Variants in SLC24A2 observed in about 807,000 individuals in gnomAD.
SLC24A2 encodes sodium/potassium/calcium exchanger 2.
In SLC24A2, 36 loss-of-function variants were observed where a neutral mutation model predicts 62.0. The observed-to-expected ratio is 0.58, with a 90% CI of 0.44 to 0.77. The LOEUF (loss-of-function observed/expected upper bound fraction) is 0.77, where lower values mean the gene tolerates loss of function less well. Among genes scored for constraint, SLC24A2 ranks in the 30% least tolerant of loss-of-function variants. SLC24A2 has a pLI of 0.00. For missense variants in SLC24A2, 846 were observed against 817.9 expected (o/e 1.03, Z -0.42); for synonymous variants, 358 against 294.0 (o/e 1.22, Z -2.23).
chr9:19,672,827 A>C (rs977342131), intron 2 of SLC24A2, among the ~76,000 whole-genome samples: 1 of 146,456 alleles, frequency 6.8e-6, no homozygotes, highest in Non-Finnish European at 1.5e-5. Context: ...TTTAATTTCC[A>C]TGTATTTGCA....
the SLC24A2 span, among the ~76,000 whole-genome samples, chr9:20,242,775 G>A: frequency 6.6e-6 from 1 of 152,142 alleles, no homozygotes; most frequent in Admixed American, 6.5e-5. Context: ...CTCCATTAAT[G>A]GCTTTGTCAT....
At chr9:20,080,305 T>C in the SLC24A2 span, among the ~76,000 whole-genome samples, 40 of 152,224 alleles carry the variant, frequency 2.6e-4, no homozygotes, top group South Asian at 4.2e-4. Flanking sequence ...CAGAACAGAG[T>C]GCTCAGAAAT....
chr9:20,089,577 C>T, the SLC24A2 span, among the ~76,000 whole-genome samples: 6 of 152,110 alleles, frequency 3.9e-5, no homozygotes, highest in Middle Eastern at 3.4e-3. Context: ...CAGGCAGGGC[C>T]CCTAGCTCAT....
the SLC24A2 span, among the ~76,000 whole-genome samples, chr9:20,108,899 T>C: frequency 6.6e-6 from 1 of 151,994 alleles, no homozygotes; most frequent in Non-Finnish European, 1.5e-5. Flanking sequence ...ATTTTTAAAA[T>C]AGTCATGTGC....
chr9:20,239,214 T>C, the SLC24A2 span, among the ~76,000 whole-genome samples: 24 of 152,330 alleles, frequency 1.6e-4, no homozygotes, highest in Middle Eastern at 3.4e-3. Context: ...ACACAAAACA[T>C]AGAGGATTCC....
At chr9:19,886,309 TA>T in the SLC24A2 span, among the ~76,000 whole-genome samples, 2 of 152,208 alleles carry the variant, frequency 1.3e-5, no homozygotes, top group African/African-American at 2.4e-5. Context: ...TGTGAGATGG[TA>T]TTTCACTGTA....
At chr9:19,734,669 T>A (rs1490040049) in intron 2 of SLC24A2, among the ~76,000 whole-genome samples, 10 of 152,232 alleles carry the variant, frequency 6.6e-5, no homozygotes, top group African/African-American at 2.4e-4. Context: ...AGTTCACTCA[T>A]GATTTGGCTG....
chr9:20,257,181 C>T, the SLC24A2 span, among the ~76,000 whole-genome samples: 2 of 152,110 alleles, frequency 1.3e-5, no homozygotes, highest in Non-Finnish European at 2.9e-5. Flanking sequence ...TTTCCAAAGT[C>T]CCTTGTTCAG....
the SLC24A2 span, among the ~76,000 whole-genome samples, chr9:20,203,485 A>C: frequency 6.6e-6 from 1 of 152,202 alleles, no homozygotes; most frequent in Non-Finnish European, 1.5e-5. Flanking sequence ...CAGGACTTGC[A>C]TGCATCAGAG....
At chr9:19,782,234 T>C (rs561618936) in intron 2 of SLC24A2, among the ~76,000 whole-genome samples, 41 of 152,200 alleles carry the variant, frequency 2.7e-4, no homozygotes, top group Admixed American at 6.5e-5. Context: ...GCTAGGAGCA[T>C]AGCAAAATGA....
the SLC24A2 span, among the ~76,000 whole-genome samples, chr9:20,006,665 C>T: frequency 6.6e-6 from 1 of 151,644 alleles, no homozygotes; most frequent in Admixed American, 6.6e-5. Flanking sequence ...GACTTTAGAC[C>T]TCATCAAGGC....
intron 2 of SLC24A2, among the ~76,000 whole-genome samples, chr9:19,651,327 A>T (rs1157066419): frequency 1.3e-5 from 2 of 152,226 alleles, no homozygotes; most frequent in Non-Finnish European, 2.9e-5. Context: ...CCCAATGGTG[A>T]AGGTGATGTT....
At chr9:20,012,607 G>T in the SLC24A2 span, among the ~76,000 whole-genome samples, 2 of 152,062 alleles carry the variant, frequency 1.3e-5, no homozygotes, top group Non-Finnish European at 2.9e-5. Context: ...GTCTCTATTG[G>T]ATGATGACAT....
At chr9:19,773,360 T>C (rs370299374) in intron 2 of SLC24A2, among the ~76,000 whole-genome samples, 116 of 152,226 alleles carry the variant, frequency 7.6e-4, no homozygotes, top group African/African-American at 2.5e-3. Flanking sequence ...AGAGAAACAT[T>C]ATATAAGGCT....
Position 19,516,188 on chromosome 9 carries a change from C to G in SLC24A2, c.1951G>C (p.Glu651Gln), listed in dbSNP as rs1319634318. 1.9e-6 allele frequency: 3 copies of G among 1,614,134 alleles called. No homozygotes were observed. Among genetic ancestry groups the G allele is most frequent in the South Asian group, 2.2e-5 (2 of 91,064 alleles). ...FVFLVVSVLL[E>Q]DRILTCPVSI ...ACGGGGCATGTAAGAATTCTGTCTT[C>G]TAGGAGAACGCTCACCACCAGGAAC... Residue 651 changes from glutamate to glutamine, a missense_variant, in exon 11 of 11, where the codon GAA (glutamate) becomes CAA (glutamine). Coordinates refer to ENST00000341998, the MANE Select transcript of SLC24A2 (RefSeq NM_020344.4).
At chr9:20,120,245 TC>T in the SLC24A2 span, among the ~76,000 whole-genome samples, 1 of 152,170 alleles carries the variant, frequency 6.6e-6, no homozygotes, top group Non-Finnish European at 1.5e-5. Context: ...GTTAGAAATT[TC>T]CTATGCCCTA....
intron 2 of SLC24A2, among the ~76,000 whole-genome samples, chr9:19,660,497 G>C (rs1464645506): frequency 6.6e-6 from 1 of 152,126 alleles, no homozygotes; most frequent in East Asian, 1.9e-4. Flanking sequence ...ATAGGAGGGA[G>C]GGCAAGAAAG....
chr9:20,055,867 T>A, the SLC24A2 span, among the ~76,000 whole-genome samples: 1 of 151,986 alleles, frequency 6.6e-6, no homozygotes, highest in Non-Finnish European at 1.5e-5. Context: ...CCAGCCTGGG[T>A]GACAGAGTGA....
At chr9:19,628,010 C>A (rs1029118918) in intron 2 of SLC24A2, among the ~76,000 whole-genome samples, 15 of 152,312 alleles carry the variant, frequency 9.8e-5, no homozygotes, top group African/African-American at 3.4e-4. Flanking sequence ...TGAATTCTTT[C>A]AATGCCTCTC....
Sources: gnomAD v4.1 joint callset for allele counts (sites outside exome capture counted in the v4.1 genomes callset) on GRCh38, gnomAD v4.1.1 for gene constraint, MANE v1.5 for transcripts, NCBI Gene and HGNC (gene_info 2026-07-23, HGNC 2026-07-21) for gene names.